PDE7A: variants seen among roughly 807,000 people sequenced by gnomAD.
The protein encoded by PDE7A is high affinity 3',5'-cyclic-AMP phosphodiesterase 7A.
Under a neutral mutation model 64.3 loss-of-function variants are expected in PDE7A, and 39 were observed. That is an observed-to-expected ratio of 0.61 (90% CI 0.47 to 0.79). The LOEUF (loss-of-function observed/expected upper bound fraction) is 0.79. Ranked by LOEUF, PDE7A falls within the 30% of genes least tolerant of loss-of-function variation. The pLI is 0.00. For missense variants in PDE7A, 470 were observed against 582.8 expected (o/e 0.81, Z 1.99); for synonymous variants, 203 against 206.8 (o/e 0.98, Z 0.16).
chr8:65,819,320 A>G (rs918721720), intron 1 of PDE7A, among the ~76,000 whole-genome samples: 1 of 152,196 alleles, frequency 6.6e-6, no homozygotes, highest in African/African-American at 2.4e-5. Context: ...TCACTTAAGC[A>G]CGGACGTTCA....
intron 3 of PDE7A, among the ~76,000 whole-genome samples, chr8:65,751,541 A>G (rs10096256): frequency 0.18 from 27,225 of 151,136 alleles, 3,150 homozygotes; most frequent in East Asian, 0.52. Flanking sequence ...TCTTGTTGCT[A>G]GAGTGCAATG....
At chr8:65,734,966 TATGAG>T in intron 6 of PDE7A, 72 bp from the exon 7 acceptor site, 1 of 954,588 alleles carries the variant, frequency 1.0e-6, no homozygotes, top group East Asian at 2.4e-5. Flanking sequence ...TTGTGATAAT[TATGAG>T]TTACCCACTC....
In PDE7A at chr8:65,747,739, T is replaced by C. The variant is rs767853921; in HGVS notation, c.348A>G (p.Arg116=). ...GAAAAAAGCGTGAAGATCTAAGATA[T>C]CGCTGGAAACTTAGTAGCCTTCTGA... ...RNIRRLLSFQ[R]YLRSSRFFRG... is the part of the protein sequence containing the mutation. Residue 116 remains arginine (R), a synonymous_variant, in exon 4 of 13, where the codon CGA becomes CGG. Coordinates refer to ENST00000401827, the MANE Select transcript of PDE7A (RefSeq NM_001242318.3). 1.2e-5 allele frequency: 19 copies of C among 1,608,116 alleles called. No individual in the cohort carries two copies. The highest frequency in any genetic ancestry group is 1.6e-5 in the Non-Finnish European group (19 of 1,174,948).
At chr8:65,795,067 T>C (rs1440471287) in intron 1 of PDE7A, among the ~76,000 whole-genome samples, 1 of 152,164 alleles carries the variant, frequency 6.6e-6, no homozygotes, top group Non-Finnish European at 1.5e-5. Context: ...GCAAAAAACA[T>C]AAACAAGATT....
intron 1 of PDE7A, among the ~76,000 whole-genome samples, chr8:65,814,521 A>G (rs1458108283): frequency 6.7e-6 from 1 of 150,226 alleles, no homozygotes; most frequent in African/African-American, 2.4e-5. Context: ...AAAAAAAAAA[A>G]AAAAAAAAAA....
rs1806317405 is a variant in PDE7A, at chr8:65,720,226, CTT to C, written c.1244-733_1244-732del. ...GCACTCCACTGCACATTAGATCTGA[CTT>C]AATACTAAGTAGTATCTTAAACAAG... On this transcript the variant is annotated intron_variant, in intron 12 of 12. Coordinates refer to ENST00000401827, the MANE Select transcript of PDE7A (RefSeq NM_001242318.3). Among the ~76,000 whole-genome samples, 3 of 152,196 alleles carry C rather than the reference CTT, an allele frequency of 2.0e-5. No individual in the cohort carries two copies. In the South Asian group the frequency reaches 6.2e-4, roughly 31 times the overall value.
At chr8:65,799,506 A>C (rs1325067257) in intron 1 of PDE7A, among the ~76,000 whole-genome samples, 2 of 152,172 alleles carry the variant, frequency 1.3e-5, no homozygotes, top group African/African-American at 4.8e-5. Context: ...GGAAGACTTC[A>C]CTCTTCAGGG....
chr8:65,739,079 C>A (rs977596844), intron 6 of PDE7A, among the ~76,000 whole-genome samples: 1 of 152,350 alleles, frequency 6.6e-6, no homozygotes, highest in East Asian at 1.9e-4. Context: ...TATCAGCTCT[C>A]TCGGAAACCT....
In PDE7A at chr8:65,716,225, A is replaced by G. The variant is rs181876647; in HGVS notation, c.*3065T>C. ...AATAAAACAACTTTTCAATGGGTTTATTATATGTGTAGGCAGGAAATGGGA... is the reference window on the plus strand; with the variant it reads ...AATAAAACAACTTTTCAATGGGTTTGTTATATGTGTAGGCAGGAAATGGGA... On this transcript the variant is annotated 3_prime_UTR_variant, in exon 13 of 13. Transcript: ENST00000401827. Among the ~76,000 whole-genome samples the G allele has an allele frequency of 2.7e-3, 410 of 151,962 alleles. 1 individual carries two copies. The highest frequency in any genetic ancestry group is 9.6e-3 in the African/African-American group (398 of 41,470).
At chr8:65,734,932 G>A in intron 6 of PDE7A, 38 bp from the exon 7 acceptor site, 2 of 1,263,854 alleles carry the variant, frequency 1.6e-6, no homozygotes, top group Non-Finnish European at 1.2e-6. Context: ...TATTGTATAT[G>A]AGCAACATAT....
chr8:65,789,423 C>T (rs1585919978), intron 1 of PDE7A, among the ~76,000 whole-genome samples: 1 of 152,262 alleles, frequency 6.6e-6, no homozygotes, highest in South Asian at 2.1e-4. Context: ...AATATTAATG[C>T]ATTTTATTCC....
At chr8:65,795,013 G>C (rs1322808142) in intron 1 of PDE7A, among the ~76,000 whole-genome samples, 1 of 152,136 alleles carries the variant, frequency 6.6e-6, no homozygotes, top group Non-Finnish European at 1.5e-5. Context: ...CAGGCAGAAA[G>C]AGCAATATGT....
chr8:65,762,754 A>G (rs957454582), intron 3 of PDE7A, among the ~76,000 whole-genome samples: 7 of 152,210 alleles, frequency 4.6e-5, no homozygotes, highest in Non-Finnish European at 8.8e-5. Context: ...TCATGACAGT[A>G]TAACTTCATC....
At chr8:65,781,996 T>G (rs1214301880) in intron 2 of PDE7A, among the ~76,000 whole-genome samples, 1 of 152,204 alleles carries the variant, frequency 6.6e-6, no homozygotes, top group African/African-American at 2.4e-5. Flanking sequence ...AATAGAACTC[T>G]GGGGAACACT....
intron 1 of PDE7A, among the ~76,000 whole-genome samples, chr8:65,820,944 T>C (rs1214376359): frequency 1.3e-5 from 2 of 152,186 alleles, no homozygotes; most frequent in East Asian, 3.8e-4. Flanking sequence ...TGAAAAGCAG[T>C]TCCAAAATAG....
intron 1 of PDE7A, among the ~76,000 whole-genome samples, chr8:65,791,705 T>C (rs1198888063): frequency 6.6e-6 from 1 of 152,210 alleles, no homozygotes; most frequent in African/African-American, 2.4e-5. Flanking sequence ...CTCCCCCAGA[T>C]CAGAAAATTT....
intron 3 of PDE7A, among the ~76,000 whole-genome samples, chr8:65,756,362 G>T (rs756767866): frequency 2.6e-5 from 4 of 151,940 alleles, no homozygotes; most frequent in Non-Finnish European, 4.4e-5. Flanking sequence ...TTCTTTCTGG[G>T]ACTCCAGTGA....
intron 2 of PDE7A, among the ~76,000 whole-genome samples, chr8:65,782,165 C>A (rs1280427769): frequency 6.6e-6 from 1 of 152,060 alleles, no homozygotes; most frequent in African/African-American, 2.4e-5. Flanking sequence ...AATAAATTTG[C>A]CTGTTGGAAT....
rs539509299 is a variant in PDE7A at position 65,729,998 on chromosome 8, C to T, written c.697-2697G>A. On this transcript the variant is annotated intron_variant, in intron 7 of 12. Coordinates refer to ENST00000401827, the MANE Select transcript of PDE7A (RefSeq NM_001242318.3). ...GCTCCTCAATCCCCAGGCCATGGAC[C>T]GGTACTGGTCCATGGCCTGTTAGGA... Among the ~76,000 whole-genome samples the T allele has an allele frequency of 1.8e-4, 28 of 151,862 alleles. No homozygotes were observed. The South Asian group carries it at 3.7e-3, about 20-fold the overall frequency.
Sources: allele counts gnomAD v4.1 joint callset (sites outside exome capture counted in the v4.1 genomes callset), GRCh38; gene constraint gnomAD v4.1.1; transcripts MANE v1.5; gene names NCBI Gene and HGNC (gene_info 2026-07-23, HGNC 2026-07-21).